Variants in ADGRF4 observed in about 807,000 individuals in gnomAD.
ADGRF4 encodes adhesion G protein-coupled receptor F4.
ADGRF4 carries 63 observed loss-of-function variants against 58.5 expected under a neutral mutation model. That is an observed-to-expected ratio of 1.08 (90% CI 0.88 to 1.33). ADGRF4 has a LOEUF of 1.33. ADGRF4 is among the 40% of genes most tolerant of loss of function. The pLI is 0.00. For synonymous variants in ADGRF4, 313 were observed against 295.4 expected, an observed-to-expected ratio of 1.06 and a Z score of -0.61; for missense variants, 931 against 843.9, an observed-to-expected ratio of 1.10 and a Z score of -1.28.
chr6:47,714,418 G>A lies in ADGRF4; in HGVS notation c.1173G>A (p.Met391Ile), dbSNP rs779431787. The A allele has an allele frequency of 1.2e-6, 2 of 1,614,062 alleles. No individual in the cohort carries two copies. Among genetic ancestry groups the A allele is most frequent in the East Asian group, 4.5e-5 (2 of 44,860 alleles). Residue 391 changes from methionine (M) to isoleucine (I), a missense_variant, in exon 6 of 10, where the codon ATG becomes ATA. Physicochemically the swap from Met to Ile is conservative, Grantham distance 10. Transcript: ENST00000283303. Reference sequence around the variant, plus strand: ...TGGTGATGTCTTTTTCCATTCTCATGTCCTCCAAATCGATGACCGACAAAG... The same window carrying A: ...TGGTGATGTCTTTTTCCATTCTCATATCCTCCAAATCGATGACCGACAAAG... The part of the protein sequence containing the change: ...TSVVMSFSIL[M>I]SSKSMTDKVL...
chr6:47,700,066 G>T (rs1771557060), intron 1 of ADGRF4, among the ~76,000 whole-genome samples: 1 of 152,080 alleles, frequency 6.6e-6, no homozygotes, highest in African/African-American at 2.4e-5. Context: ...TTGAAGACTG[G>T]CAAAAAAGTG....
chr6:47,714,259 G>T lies in ADGRF4; in HGVS notation c.1014G>T (p.Lys338Asn). 7 of 1,614,168 alleles carry T rather than the reference G, an allele frequency of 4.3e-6. No individual in the cohort carries two copies. Among genetic ancestry groups the T allele is most frequent in the Non-Finnish European group, 5.1e-6 (6 of 1,180,034 alleles). The change falls in exon 6 of 10, where the codon AAG becomes AAT. Residue 338 changes from lysine (K) to asparagine (N), a missense_variant. Transcript: ENST00000283303. The part of the protein sequence containing the change: ...RLQEIILTFE[K>N]INKTRNARAQ... ...AAGAAATCATACTCACCTTCGAAAA[G>T]ATCAATAAAACCCGCAATGCCAGAG... is the stretch of plus-strand genomic sequence containing the variant.
At chr6:47,715,204 G>A (rs1316556222) in intron 6 of ADGRF4, 27 bp downstream of exon 6, 1 of 1,501,004 alleles carries the variant, frequency 6.7e-7, no homozygotes, top group Admixed American at 2.0e-5. Flanking sequence ...AGACTTTTCT[G>A]TGTTACTCCG....
intron 1 of ADGRF4, among the ~76,000 whole-genome samples, chr6:47,706,652 C>T (rs982874142): frequency 6.6e-6 from 1 of 152,160 alleles, no homozygotes; most frequent in Non-Finnish European, 1.5e-5. Context: ...AAGAATTGTC[C>T]AATCCAGAAT....
chr6:47,703,605 A>G (rs1247381049), intron 1 of ADGRF4, among the ~76,000 whole-genome samples: 1 of 152,234 alleles, frequency 6.6e-6, no homozygotes, highest in East Asian at 1.9e-4. Flanking sequence ...AATGGTATAT[A>G]GTTACATATG....
intron 1 of ADGRF4, 45 bp from the exon 2 acceptor site, chr6:47,707,185 G>A (rs1771730642): frequency 1.9e-6 from 2 of 1,037,474 alleles, no homozygotes; most frequent in Non-Finnish European, 3.1e-6. Flanking sequence ...TTAGTTGCGT[G>A]AAGTTGTCAC....
At chr6:47,700,453 C>T (rs193111747) in intron 1 of ADGRF4, among the ~76,000 whole-genome samples, 170 of 152,268 alleles carry the variant, frequency 1.1e-3, no homozygotes, top group African/African-American at 4.0e-3. Context: ...GCTCCAGGTA[C>T]AAGCAAGATG....
At position 47,707,339 on chromosome 6, in the gene ADGRF4, G is replaced by T. The variant is rs560743709; in HGVS notation, c.93+1G>T. 1 of 1,584,360 alleles carries T rather than the reference G, an allele frequency of 6.3e-7. No individual in the cohort carries two copies. Among genetic ancestry groups the T allele is most frequent in the East Asian group, 2.2e-5 (1 of 44,744 alleles). ...CTATAGATCCAAGATTCACCTAAAA[G>T]TAAGTTTGATCTATTCCTATGTGAT... On this transcript the variant is annotated splice_donor_variant, in intron 2 of 9. Transcript: ENST00000283303. LOFTEE classifies it high-confidence loss of function.
chr6:47,710,818 T>C lies in ADGRF4; in HGVS notation c.232T>C (p.Cys78Arg). ...KDFHGEIGFT[C>R]NQKKWQKSAE... is the part of the protein sequence containing the mutation. ...CTTTCATGGAGAAATAGGATTTACA[T>C]GTAATCAAAAAAAGTGGCAAAAATC... The change falls in exon 4 of 10, where the codon TGT becomes CGT. Residue 78 changes from cysteine (C) to arginine (R), a missense_variant. Coordinates refer to ENST00000283303, the MANE Select transcript of ADGRF4 (RefSeq NM_153838.5). 6.2e-7 allele frequency: 1 copy of C among 1,613,958 alleles called. No individual in the cohort carries two copies. The highest frequency in any genetic ancestry group is 8.5e-7 in the Non-Finnish European group (1 of 1,179,886).
intron 1 of ADGRF4, among the ~76,000 whole-genome samples, chr6:47,706,980 T>C (rs552829964): frequency 6.2e-4 from 95 of 152,372 alleles, no homozygotes; most frequent in Middle Eastern, 3.4e-3. Context: ...TGAAACTACA[T>C]CCGTTCTGGT....
At chr6:47,708,886 A>G (rs1771791561) in intron 3 of ADGRF4, among the ~76,000 whole-genome samples, 1 of 152,238 alleles carries the variant, frequency 6.6e-6, no homozygotes, top group African/African-American at 2.4e-5. Context: ...AAGGTAACTA[A>G]CATTTACTGG....
At chr6:47,716,996 A>G (rs1033567719) in intron 7 of ADGRF4, 149 bp downstream of exon 7, 2 of 649,776 alleles carry the variant, frequency 3.1e-6, no homozygotes, top group Non-Finnish European at 2.8e-6. Context: ...GAAAAAAAAA[A>G]CACACCAATA....
chr6:47,720,943 G>A lies in ADGRF4; in HGVS notation c.*4-266G>A, dbSNP rs541892284. Among the ~76,000 whole-genome samples the A allele has an allele frequency of 3.2e-4, 49 of 152,300 alleles. No homozygotes were observed. In the Middle Eastern group the frequency reaches 0.017, roughly 53 times the overall value. ...TTCAGACAGCAGAGCGGGAGAGAGGGCACTGAGCACCGAGTTTAGGGTGGA... is the reference window on the plus strand; with the variant it reads ...TTCAGACAGCAGAGCGGGAGAGAGGACACTGAGCACCGAGTTTAGGGTGGA... On this transcript the variant is annotated intron_variant, in intron 9 of 9. Coordinates refer to ENST00000283303, the MANE Select transcript of ADGRF4 (RefSeq NM_153838.5).
chr6:47,718,352 TA>T (rs1772079889), intron 8 of ADGRF4, 36 bp from the exon 9 acceptor site: 1 of 1,075,268 alleles, frequency 9.3e-7, no homozygotes, highest in African/African-American at 1.6e-5. Flanking sequence ...TCAATATAAT[TA>T]CTCATTACCA....
intron 7 of ADGRF4, 149 bp downstream of exon 7, chr6:47,716,996 A>C (rs1033567719): frequency 1.7e-5 from 11 of 649,776 alleles, no homozygotes; most frequent in South Asian, 7.6e-5. Flanking sequence ...GAAAAAAAAA[A>C]CACACCAATA....
At chr6:47,698,999 A>C (rs1771525179) in intron 1 of ADGRF4, among the ~76,000 whole-genome samples, 1 of 152,126 alleles carries the variant, frequency 6.6e-6, no homozygotes, top group South Asian at 2.1e-4. Flanking sequence ...GTTTTTCTTT[A>C]AGAGTTGTTT....
chr6:47,709,027 C>G (rs1771795058), intron 3 of ADGRF4, among the ~76,000 whole-genome samples: 2 of 152,142 alleles, frequency 1.3e-5, no homozygotes, highest in African/African-American at 4.8e-5. Flanking sequence ...AATGAACTTG[C>G]AAAAACTGTT....
chr6:47,700,523 T>C lies in ADGRF4; in HGVS notation c.-17+1729T>C, dbSNP rs114059362. Reference sequence around the variant, plus strand: ...GGTCATCTGGGTCTGTCTGGAGAAATAGGGTTTTATTAGTTCTGACTTATG... The same window carrying C: ...GGTCATCTGGGTCTGTCTGGAGAAACAGGGTTTTATTAGTTCTGACTTATG... On this transcript the variant is annotated intron_variant, in intron 1 of 9. Transcript: ENST00000283303. 4.3e-3 allele frequency among the ~76,000 whole-genome samples: 661 copies of C among 152,244 alleles called. 3 individuals carry two copies. The highest frequency in any genetic ancestry group is 0.014 in the African/African-American group (576 of 41,544).
chr6:47,717,461 T>C, intron 8 of ADGRF4, 110 bp downstream of exon 8: 3 of 765,050 alleles, frequency 3.9e-6, no homozygotes, highest in Non-Finnish European at 7.2e-6. Context: ...AGAGGATCAA[T>C]AAAGCGTACT....
Sources: gnomAD v4.1 joint callset for allele counts (sites outside exome capture counted in the v4.1 genomes callset) on GRCh38, gnomAD v4.1.1 for gene constraint, MANE v1.5 for transcripts, NCBI Gene and HGNC (gene_info 2026-07-23, HGNC 2026-07-21) for gene names.